Variants in CCDC171 observed in about 807,000 individuals in gnomAD.
The protein encoded by CCDC171 is coiled-coil domain containing 171, also known as coiled-coil domain-containing protein 171.
Under a neutral mutation model 168.2 loss-of-function variants are expected in CCDC171, and 177 were observed. The observed-to-expected ratio is 1.05, with a 90% CI of 0.93 to 1.19. The LOEUF is 1.19. Among genes scored for constraint, CCDC171 ranks in the 50% most tolerant of loss-of-function variants. The pLI, the probability that CCDC171 is intolerant of heterozygous loss-of-function variation, is 0.00. For synonymous variants in CCDC171, 687 were observed against 540.8 expected (o/e 1.27, Z -3.75); for missense variants, 1,991 against 1,539.0 (o/e 1.29, Z -4.91).
At chr9:15,592,288 C>G (rs1473844533) in intron 5 of CCDC171, among the ~76,000 whole-genome samples, 1 of 151,538 alleles carries the variant, frequency 6.6e-6, no homozygotes, top group African/African-American at 2.4e-5. Flanking sequence ...ATGATTGGGC[C>G]TATGAATAGC....
chr9:15,744,961 G>C (rs2055167155), intron 17 of CCDC171, among the ~76,000 whole-genome samples, 184 bp downstream of exon 17: 1 of 152,150 alleles, frequency 6.6e-6, no homozygotes, highest in African/African-American at 2.4e-5. Flanking sequence ...ATTAGGCTGT[G>C]ATTTTTTGTT....
At chr9:16,023,278 T>A (rs1833211078) in intron 6 of CCDC171, among the ~76,000 whole-genome samples, 2 of 152,198 alleles carry the variant, frequency 1.3e-5, no homozygotes, top group South Asian at 4.1e-4. Flanking sequence ...ATTGATTTAT[T>A]TATGTTTCTG....
At chr9:15,578,064 A>G (rs1347984631) in intron 3 of CCDC171, among the ~76,000 whole-genome samples, 2 of 152,182 alleles carry the variant, frequency 1.3e-5, no homozygotes, top group Non-Finnish European at 2.9e-5. Context: ...CAGTGATATC[A>G]TAATCAAGAG....
chr9:15,604,350 A>T (rs1219846345), intron 6 of CCDC171, among the ~76,000 whole-genome samples: 3 of 152,174 alleles, frequency 2.0e-5, no homozygotes, highest in Non-Finnish European at 2.9e-5. Context: ...CTATTGTGGG[A>T]CAGGCAGTGA....
intron 21 of CCDC171, among the ~76,000 whole-genome samples, chr9:15,824,543 C>A (rs7865141): frequency 1.3e-5 from 2 of 151,936 alleles, no homozygotes; most frequent in Non-Finnish European, 2.9e-5. Flanking sequence ...ACATGATCTC[C>A]TGGTCTGAAT....
intron 1 of CCDC171, among the ~76,000 whole-genome samples, chr9:15,561,217 A>T (rs1432592220): frequency 2.6e-5 from 4 of 152,118 alleles, no homozygotes; most frequent in Admixed American, 2.0e-4. Context: ...GAGTGAAATG[A>T]GACAATATGT....
At chr9:15,992,559 C>G (rs1398233003) in intron 3 of CCDC171, among the ~76,000 whole-genome samples, 1 of 152,176 alleles carries the variant, frequency 6.6e-6, no homozygotes. Flanking sequence ...TCTCTCACCA[C>G]TCCTATTCAA....
At chr9:15,840,975 T>C (rs1424383324) in intron 21 of CCDC171, among the ~76,000 whole-genome samples, 1 of 152,056 alleles carries the variant, frequency 6.6e-6, no homozygotes, top group Non-Finnish European at 1.5e-5. Context: ...GTTAGTTTAC[T>C]GGGAAGAATT....
At chr9:16,029,702 T>G (rs545162356) in intron 6 of CCDC171, among the ~76,000 whole-genome samples, 4 of 152,318 alleles carry the variant, frequency 2.6e-5, no homozygotes, top group Admixed American at 6.5e-5. Context: ...GATAGGGTGA[T>G]AAATGTGAGA....
chr9:15,648,506 C>G (rs1297286441), intron 7 of CCDC171, among the ~76,000 whole-genome samples: 1 of 152,188 alleles, frequency 6.6e-6, no homozygotes, highest in Admixed American at 6.5e-5. Flanking sequence ...ACCCCATCGT[C>G]TCAGCCCAAA....
At chr9:16,082,995 T>G in the CCDC171 span, among the ~76,000 whole-genome samples, 4 of 152,208 alleles carry the variant, frequency 2.6e-5, no homozygotes, top group Admixed American at 2.6e-4. Flanking sequence ...GTGTGTGTAA[T>G]GGCAATGGTG....
chr9:15,650,768 C>G (rs942228116), intron 7 of CCDC171, among the ~76,000 whole-genome samples: 2 of 151,832 alleles, frequency 1.3e-5, no homozygotes, highest in African/African-American at 2.4e-5. Flanking sequence ...TTATGGGGTA[C>G]ATGTGTTTTT....
intron 1 of CCDC171, among the ~76,000 whole-genome samples, chr9:15,555,204 T>C (rs1239124393): frequency 3.9e-5 from 6 of 152,224 alleles, no homozygotes; most frequent in African/African-American, 1.2e-4. Flanking sequence ...TTCTCATTGA[T>C]GAATGATACA....
Position 15,727,918 on chromosome 9 carries a change from G to A in CCDC171, c.1742G>A (p.Cys581Tyr), listed in dbSNP as rs149211044. The stretch of plus-strand genomic sequence containing the variant: ...TTATATCAGCACTTGGTAGCAGGCT[G>A]TGTGCTCATAAAACAACCAGAAGGC... ...HTLYQHLVAG[C>Y]VLIKQPEGML... Residue 581 changes from cysteine (C) to tyrosine (Y), a missense_variant, in exon 15 of 26, where the codon TGT becomes TAT. By Grantham distance (194) the Cys-to-Tyr change is radical. Transcript: ENST00000380701. 1.2e-6 allele frequency: 2 copies of A among 1,613,080 alleles called. No homozygotes were observed. The highest frequency in any genetic ancestry group is 1.7e-6 in the Non-Finnish European group (2 of 1,179,530).
the CCDC171 span, among the ~76,000 whole-genome samples, chr9:16,090,130 T>A: frequency 6.6e-6 from 1 of 152,220 alleles, no homozygotes; most frequent in African/African-American, 2.4e-5. Flanking sequence ...CGTATGTTTA[T>A]TGCAGCATTG....
intron 6 of CCDC171, among the ~76,000 whole-genome samples, chr9:15,616,303 C>A (rs1012208648): frequency 6.6e-6 from 1 of 152,044 alleles, no homozygotes; most frequent in Non-Finnish European, 1.5e-5. Flanking sequence ...CCAGTGTGGT[C>A]TTGAACTCTT....
chr9:15,877,558 A>C (rs1178237035), intron 24 of CCDC171, among the ~76,000 whole-genome samples: 1 of 152,148 alleles, frequency 6.6e-6, no homozygotes, highest in South Asian at 2.1e-4. Context: ...AGGATGTTCC[A>C]ATGAGGCCAT....
intron 6 of CCDC171, among the ~76,000 whole-genome samples, chr9:16,023,624 C>G (rs1423391476): frequency 1.3e-5 from 2 of 152,176 alleles, no homozygotes; most frequent in East Asian, 3.9e-4. Flanking sequence ...TCAGCCCTTT[C>G]CAACTGGGAG....
chr9:15,886,339 A>G (rs550870908), intron 24 of CCDC171: 1 of 152,326 alleles, frequency 6.6e-6, no homozygotes, highest in South Asian at 2.1e-4. Flanking sequence ...CAAAGAACAC[A>G]TGCAAGTGGC....
Sources: gnomAD v4.1 joint callset for allele counts (sites outside exome capture counted in the v4.1 genomes callset) on GRCh38, gnomAD v4.1.1 for gene constraint, MANE v1.5 for transcripts, NCBI Gene and HGNC (gene_info 2026-07-23, HGNC 2026-07-21) for gene names.